BACH2: variants seen among roughly 807,000 people sequenced by gnomAD.
BACH2 encodes the protein BACH transcriptional regulator 2, also known as transcription regulator protein BACH2.
A neutral mutation model predicts 61.8 loss-of-function variants in BACH2; 5 were observed. The observed-to-expected ratio is 0.08, with a 90% CI of 0.04 to 0.17. The LOEUF (loss-of-function observed/expected upper bound fraction) is 0.17, where lower values mean the gene tolerates loss of function less well. BACH2 is among the 10% of genes least tolerant of loss of function. The pLI, the probability that BACH2 is intolerant of heterozygous loss-of-function variation, is 1.00. For synonymous variants in BACH2, 446 were observed against 440.1 expected (o/e 1.01, Z -0.17); for missense variants, 824 against 1,091.1 (o/e 0.76, Z 3.45).
intron 5 of BACH2, chr6:90,062,899 C>G: frequency 1.0e-6 from 1 of 985,254 alleles, no homozygotes; most frequent in South Asian, 4.7e-5. Context: ...TCTGCCAAGA[C>G]TTGAACACAT....
intron 1 of BACH2, among the ~76,000 whole-genome samples, chr6:90,294,752 A>T (rs1772284768): frequency 6.6e-6 from 1 of 152,154 alleles, no homozygotes; most frequent in African/African-American, 2.4e-5. Flanking sequence ...CCTTACCAAA[A>T]TAGCCCTCTC....
chr6:90,170,348 C>T (rs1054620082), intron 4 of BACH2, among the ~76,000 whole-genome samples: 1 of 152,176 alleles, frequency 6.6e-6, no homozygotes, highest in Non-Finnish European at 1.5e-5. Flanking sequence ...ACCTTTTCAA[C>T]ATACTATACA....
At chr6:90,091,047 T>C (rs1051805023) in intron 4 of BACH2, among the ~76,000 whole-genome samples, 2 of 152,216 alleles carry the variant, frequency 1.3e-5, no homozygotes, top group African/African-American at 4.8e-5. Flanking sequence ...AACTGGTGGC[T>C]GGCAAGTTTG....
Position 90,201,032 on chromosome 6 carries a change from C to T in BACH2, c.-162+5537G>A, listed in dbSNP as rs1227199084. 4.6e-5 allele frequency among the ~76,000 whole-genome samples: 7 copies of T among 152,158 alleles called. No homozygotes were observed. The South Asian group carries it at 6.2e-4, about 14-fold the overall frequency. ...ATGCTGTTATATAACTTGTCTTCTT[C>T]GCAATTTATTTAGAACATCTTTTTA... On this transcript the variant is annotated intron_variant, in intron 4 of 8. Coordinates refer to ENST00000257749, the MANE Select transcript of BACH2 (RefSeq NM_021813.4).
chr6:90,192,973 GAA>G (rs1768625756), intron 4 of BACH2, among the ~76,000 whole-genome samples: 2 of 152,214 alleles, frequency 1.3e-5, no homozygotes, highest in Non-Finnish European at 2.9e-5. Flanking sequence ...CACATTCTGA[GAA>G]AGATGGGGTG....
At chr6:89,947,623 C>T (rs913241096) in intron 7 of BACH2, among the ~76,000 whole-genome samples, 50 of 151,584 alleles carry the variant, frequency 3.3e-4, no homozygotes, top group South Asian at 1.0e-3. Context: ...AGGAGTGCAG[C>T]GGCGCGATCT....
chr6:90,085,407 G>A lies in BACH2; in HGVS notation c.-13+3554C>T, dbSNP rs1333652559. Among the ~76,000 whole-genome samples, 4 of 152,136 alleles carry A rather than the reference G, an allele frequency of 2.6e-5. No homozygotes were observed. The East Asian group carries it at 7.7e-4, about 29-fold the overall frequency. ...CACACAGCTCTGGGACTCTCTCTGTGCTCTGTGCATGGACTGGTTTACAAA... is the reference window on the plus strand; with the variant it reads ...CACACAGCTCTGGGACTCTCTCTGTACTCTGTGCATGGACTGGTTTACAAA... On this transcript the variant is annotated intron_variant, in intron 5 of 8. Coordinates refer to ENST00000257749, the MANE Select transcript of BACH2 (RefSeq NM_021813.4).
At chr6:90,053,710 G>A (rs182362209) in intron 5 of BACH2, among the ~76,000 whole-genome samples, 265 of 152,226 alleles carry the variant, frequency 1.7e-3, no homozygotes, top group Non-Finnish European at 1.9e-3. Context: ...ATTTTAAGTC[G>A]AAAATCATTT....
At chr6:90,120,491 T>C (rs1408271299) in intron 4 of BACH2, among the ~76,000 whole-genome samples, 2 of 152,254 alleles carry the variant, frequency 1.3e-5, no homozygotes, top group African/African-American at 4.8e-5. Flanking sequence ...ATATGTTTAA[T>C]GGCCCTTCAG....
At chr6:89,941,659 G>A (rs766095241) in intron 7 of BACH2, among the ~76,000 whole-genome samples, 5 of 152,162 alleles carry the variant, frequency 3.3e-5, no homozygotes, top group Non-Finnish European at 7.3e-5. Flanking sequence ...CGGTGTCTCC[G>A]GAACACAGAG....
At chr6:90,253,367 T>C (rs1770874905) in intron 2 of BACH2, among the ~76,000 whole-genome samples, 1 of 152,146 alleles carries the variant, frequency 6.6e-6, no homozygotes, top group Non-Finnish European at 1.5e-5. Flanking sequence ...ATGAGAAATA[T>C]TGAGGGGAAC....
intron 4 of BACH2, among the ~76,000 whole-genome samples, chr6:90,133,131 A>C (rs2127824110): frequency 6.6e-6 from 1 of 152,324 alleles, no homozygotes. Context: ...AGCTCCCAGA[A>C]GATTATATTT....
chr6:90,157,972 G>A (rs1271660798), intron 4 of BACH2, among the ~76,000 whole-genome samples: 1 of 152,158 alleles, frequency 6.6e-6, no homozygotes, highest in African/African-American at 2.4e-5. Context: ...TAAGTGCGAT[G>A]TTGGAAAGGT....
chr6:90,158,780 TACTC>T (rs1359740935), intron 4 of BACH2, among the ~76,000 whole-genome samples: 1 of 150,698 alleles, frequency 6.6e-6, no homozygotes, highest in South Asian at 2.1e-4. Context: ...GGGGGGCACT[TACTC>T]ACATAGCAAG....
chr6:89,999,843 TATTTCAA>T (rs1195448920), intron 6 of BACH2, among the ~76,000 whole-genome samples: 2 of 152,232 alleles, frequency 1.3e-5, no homozygotes, highest in Non-Finnish European at 2.9e-5. Flanking sequence ...GTCATAAATC[TATTTCAA>T]AATGTTGATT....
At chr6:89,988,153 T>C (rs752228219) in intron 6 of BACH2, among the ~76,000 whole-genome samples, 5 of 152,192 alleles carry the variant, frequency 3.3e-5, no homozygotes, top group Admixed American at 6.5e-5. Context: ...AATAATTTCT[T>C]ATGTAAGTTT....
chr6:90,247,916 A>G (rs1420432723), intron 3 of BACH2, among the ~76,000 whole-genome samples: 1 of 152,138 alleles, frequency 6.6e-6, no homozygotes, highest in East Asian at 1.9e-4. Flanking sequence ...TCATCCCTAC[A>G]GCATTCTGTA....
At chr6:90,136,471 G>A (rs567567347) in intron 4 of BACH2, among the ~76,000 whole-genome samples, 2 of 152,246 alleles carry the variant, frequency 1.3e-5, no homozygotes, top group African/African-American at 2.4e-5. Context: ...TACCTCATAT[G>A]TTTATTTTGA....
intron 4 of BACH2, among the ~76,000 whole-genome samples, chr6:90,158,006 C>CA (rs1211040946): frequency 6.6e-6 from 1 of 152,070 alleles, no homozygotes; most frequent in East Asian, 1.9e-4. Flanking sequence ...AGAGCGTTAA[C>CA]TGAGGGGGAG....
Sources: allele counts gnomAD v4.1 joint callset (sites outside exome capture counted in the v4.1 genomes callset), GRCh38; gene constraint gnomAD v4.1.1; transcripts MANE v1.5; gene names NCBI Gene and HGNC (gene_info 2026-07-23, HGNC 2026-07-21).